Variants in LGR5 observed in about 807,000 individuals in gnomAD.
The protein encoded by LGR5 is leucine-rich repeat-containing G protein-coupled receptor 5.
In LGR5, 54 loss-of-function variants were observed where a neutral mutation model predicts 76.7. That is an observed-to-expected ratio of 0.70 (90% CI 0.57 to 0.88). LGR5 has a LOEUF of 0.88. Ranked by LOEUF, LGR5 falls within the 40% of genes least tolerant of loss-of-function variation. The pLI, the probability that LGR5 is intolerant of heterozygous loss-of-function variation, is 0.00. For synonymous variants in LGR5, 406 were observed against 421.9 expected, an observed-to-expected ratio of 0.96 and a Z score of 0.46; for missense variants, 1,078 against 1,073.3, an observed-to-expected ratio of 1.00 and a Z score of -0.06.
chr12:71,572,067 C>G (rs1018244629), intron 12 of LGR5, among the ~76,000 whole-genome samples: 1 of 151,058 alleles, frequency 6.6e-6, no homozygotes, highest in Non-Finnish European at 1.5e-5. Flanking sequence ...CATTGCCTCC[C>G]CTACAAAACA....
At chr12:71,566,740 C>T (rs757464715) in intron 10 of LGR5, 40 bp downstream of exon 10, 1 of 1,582,112 alleles carries the variant, frequency 6.3e-7, no homozygotes, top group Admixed American at 1.7e-5. Flanking sequence ...CCAGAACATA[C>T]ACTGCCATTA....
intron 16 of LGR5, among the ~76,000 whole-genome samples, chr12:71,581,762 T>C (rs906848333): frequency 2.6e-5 from 4 of 152,234 alleles, no homozygotes; most frequent in Admixed American, 1.3e-4. Flanking sequence ...GCCTTGAAAG[T>C]ACACAATGAA....
rs530020555 is a variant in LGR5, at chr12:71,452,528, A to G, written c.212+12236A>G. ...ACTACTTGATATAATTTCTGATATAATCTTATAATGTGATGACAGAGAGAT... is the reference window on the plus strand; with the variant it reads ...ACTACTTGATATAATTTCTGATATAGTCTTATAATGTGATGACAGAGAGAT... On this transcript the variant is annotated intron_variant, in intron 1 of 17. Transcript: ENST00000266674. 5.3e-4 allele frequency among the ~76,000 whole-genome samples: 81 copies of G among 152,332 alleles called. 2 individuals are homozygous for G. In the South Asian group the frequency reaches 0.016, roughly 30 times the overall value.
At chr12:71,490,250 C>A (rs1217343162) in intron 1 of LGR5, among the ~76,000 whole-genome samples, 1 of 152,114 alleles carries the variant, frequency 6.6e-6, no homozygotes, top group African/African-American at 2.4e-5. Flanking sequence ...GAAAGAGTTC[C>A]CTTTTCTGTT....
intron 1 of LGR5, among the ~76,000 whole-genome samples, chr12:71,485,087 G>A (rs1210093811): frequency 1.3e-5 from 2 of 152,128 alleles, no homozygotes; most frequent in Non-Finnish European, 2.9e-5. Context: ...GTATAGGCAA[G>A]AGTTGTAATT....
intron 1 of LGR5, among the ~76,000 whole-genome samples, chr12:71,479,352 A>G (rs1873481404): frequency 6.6e-6 from 1 of 152,234 alleles, no homozygotes; most frequent in African/African-American, 2.4e-5. Flanking sequence ...TCCTAGAATA[A>G]GAAAGGAAGG....
intron 11 of LGR5, 131 bp downstream of exon 11, chr12:71,567,043 G>T: frequency 1.4e-6 from 1 of 717,912 alleles, no homozygotes. Context: ...AGGAGGTCAA[G>T]CCTCCTTTGC....
At chr12:71,579,107 C>T (rs1184517708) in intron 15 of LGR5, among the ~76,000 whole-genome samples, 178 bp downstream of exon 15, 5 of 152,150 alleles carry the variant, frequency 3.3e-5, no homozygotes, top group Admixed American at 3.3e-4. Flanking sequence ...AAAATGTGTC[C>T]TCCTGACCAT....
At chr12:71,443,720 A>G (rs1326033659) in intron 1 of LGR5, among the ~76,000 whole-genome samples, 2 of 152,182 alleles carry the variant, frequency 1.3e-5, no homozygotes, top group Non-Finnish European at 2.9e-5. Flanking sequence ...CTGTCTAGTT[A>G]GTGTGACATT....
At chr12:71,462,012 C>G (rs1291104081) in intron 1 of LGR5, among the ~76,000 whole-genome samples, 2 of 152,076 alleles carry the variant, frequency 1.3e-5, no homozygotes, top group African/African-American at 4.8e-5. Context: ...GTTAATAGAC[C>G]CTGTTATCTG....
intron 11 of LGR5, among the ~76,000 whole-genome samples, chr12:71,568,989 G>A (rs888070229): frequency 6.6e-6 from 1 of 152,152 alleles, no homozygotes; most frequent in Non-Finnish European, 1.5e-5. Context: ...GTAGCCACAG[G>A]AATTAAACCA....
At chr12:71,448,071 T>TCACACACACACAAA (rs1351807152) in intron 1 of LGR5, among the ~76,000 whole-genome samples, 1 of 121,976 alleles carries the variant, frequency 8.2e-6, no homozygotes, top group African/African-American at 3.3e-5. Context: ...CTCGTCTCCC[T>TCACACACACACAAA]CACACACACA....
Position 71,578,033 on chromosome 12 carries a change from A to T in LGR5, c.1280+37A>T, listed in dbSNP as rs200890798. 184 of 1,447,344 alleles carry T rather than the reference A, an allele frequency of 1.3e-4. No homozygotes were observed. In the East Asian group the frequency reaches 4.2e-3, roughly 33 times the overall value. 89.7% of individuals were successfully genotyped at this position (1,447,344 alleles called of 1,614,324 possible). On this transcript the variant is annotated intron_variant, in intron 14 of 17. Coordinates refer to ENST00000266674, the MANE Select transcript of LGR5 (RefSeq NM_003667.4). ...ACAACTTGTTTATGGTATGTCTCTT[A>T]ATAATTGAGGACCATCTAGTTAATT...
chr12:71,524,014 T>C (rs929834437), intron 2 of LGR5, among the ~76,000 whole-genome samples: 2 of 152,340 alleles, frequency 1.3e-5, no homozygotes, highest in Middle Eastern at 3.4e-3. Flanking sequence ...ATTCTAATGT[T>C]TATCTAATCT....
intron 1 of LGR5, among the ~76,000 whole-genome samples, chr12:71,446,066 C>A (rs1871975319): frequency 6.6e-6 from 1 of 152,102 alleles, no homozygotes; most frequent in Admixed American, 6.5e-5. Context: ...CCACTTTATA[C>A]CCCAAGTGCC....
intron 4 of LGR5, 148 bp downstream of exon 4, chr12:71,535,334 C>T (rs1480433617): frequency 3.3e-6 from 2 of 614,252 alleles, no homozygotes; most frequent in Non-Finnish European, 2.9e-6. Flanking sequence ...AACAACTCTT[C>T]ATAGCCTCAT....
At chr12:71,538,000 G>T (rs1036689156) in intron 4 of LGR5, among the ~76,000 whole-genome samples, 1 of 151,520 alleles carries the variant, frequency 6.6e-6, no homozygotes, top group African/African-American at 2.4e-5. Flanking sequence ...ATTTTTCTTG[G>T]ATTATACATT....
intron 1 of LGR5, among the ~76,000 whole-genome samples, chr12:71,477,659 T>C (rs2137254101): frequency 6.6e-6 from 1 of 152,270 alleles, no homozygotes; most frequent in South Asian, 2.1e-4. Flanking sequence ...TTACTGCTGA[T>C]AATGTAGTCT....
chr12:71,480,222 G>A (rs1479722278), intron 1 of LGR5, among the ~76,000 whole-genome samples: 1 of 151,952 alleles, frequency 6.6e-6, no homozygotes, highest in South Asian at 2.1e-4. Flanking sequence ...AAATTACCCG[G>A]ATGTGGTGGC....
Sources: allele counts gnomAD v4.1 joint callset (sites outside exome capture counted in the v4.1 genomes callset), GRCh38; gene constraint gnomAD v4.1.1; transcripts MANE v1.5; gene names NCBI Gene and HGNC (gene_info 2026-07-23, HGNC 2026-07-21).